Variants in MYLK observed in about 807,000 individuals in gnomAD.
The protein encoded by MYLK is myosin light chain kinase, also known as myosin light chain kinase, smooth muscle.
A neutral mutation model predicts 203.4 loss-of-function variants in MYLK; 106 were observed. The observed-to-expected ratio is 0.52, with a 90% CI of 0.45 to 0.61. MYLK has a LOEUF of 0.61. Ranked by LOEUF, MYLK falls within the 20% of genes least tolerant of loss-of-function variation. MYLK has a pLI of 0.00. For missense variants in MYLK, 2,072 were observed against 2,442.3 expected, an observed-to-expected ratio of 0.85 and a Z score of 3.20; for synonymous variants, 867 against 959.5, an observed-to-expected ratio of 0.90 and a Z score of 1.78.
At chr3:123,849,368 T>A (rs990481369) in intron 2 of MYLK, among the ~76,000 whole-genome samples, 3 of 152,186 alleles carry the variant, frequency 2.0e-5, no homozygotes, top group African/African-American at 4.8e-5. Context: ...AGTTAAGAGA[T>A]CAGTTGTGCT....
chr3:123,802,875 C>G (rs187514129), intron 3 of MYLK, among the ~76,000 whole-genome samples: 1 of 152,310 alleles, frequency 6.6e-6, no homozygotes, highest in African/African-American at 2.4e-5. Context: ...TTAGGTTTCA[C>G]CCCCTCAGGA....
At chr3:123,857,001 T>C (rs921211443) in intron 2 of MYLK, among the ~76,000 whole-genome samples, 4 of 152,060 alleles carry the variant, frequency 2.6e-5, no homozygotes, top group Non-Finnish European at 4.4e-5. Flanking sequence ...TGAACAGACA[T>C]TTCTCAAAAG....
chr3:123,616,222 C>G (rs1275399421), intron 33 of MYLK: 1 of 152,050 alleles, frequency 6.6e-6, no homozygotes. Context: ...CAATATTTGT[C>G]TTAGTCTGAT....
chr3:123,849,738 C>T (rs535202410), intron 2 of MYLK, among the ~76,000 whole-genome samples: 2 of 151,186 alleles, frequency 1.3e-5, no homozygotes, highest in African/African-American at 2.4e-5. Context: ...TTTCTGAGTA[C>T]ATTTATTCAT....
At chr3:123,645,924 G>T (rs868705555) in intron 27 of MYLK, among the ~76,000 whole-genome samples, 20 of 152,224 alleles carry the variant, frequency 1.3e-4, no homozygotes, top group Admixed American at 1.3e-3. Flanking sequence ...CAGATGGATC[G>T]CTTGAGCCCA....
chr3:123,818,282 C>A (rs924021544), intron 3 of MYLK, among the ~76,000 whole-genome samples: 2 of 152,226 alleles, frequency 1.3e-5, no homozygotes, highest in Non-Finnish European at 2.9e-5. Context: ...CTTTATCATT[C>A]TGCAGATTAA....
chr3:123,645,543 G>A (rs1576417446), intron 27 of MYLK, among the ~76,000 whole-genome samples: 1 of 152,158 alleles, frequency 6.6e-6, no homozygotes. Flanking sequence ...AGCATTTCAA[G>A]GATGTTGAAA....
chr3:123,767,812 A>C (rs1342358446), intron 4 of MYLK, among the ~76,000 whole-genome samples: 1 of 152,178 alleles, frequency 6.6e-6, no homozygotes, highest in African/African-American at 2.4e-5. Context: ...GGGTGTCTTC[A>C]GGGGAGTGGG....
intron 4 of MYLK, among the ~76,000 whole-genome samples, chr3:123,782,821 T>A (rs2064353205): frequency 6.6e-6 from 1 of 152,158 alleles, no homozygotes; most frequent in African/African-American, 2.4e-5. Flanking sequence ...AAGTAAACCA[T>A]CACTGAGAAA....
intron 13 of MYLK, among the ~76,000 whole-genome samples, chr3:123,719,316 T>C (rs916066295): frequency 5.9e-5 from 9 of 151,510 alleles, no homozygotes; most frequent in Admixed American, 3.3e-4. Flanking sequence ...GCCAGAGCCC[T>C]TGGAAGCAGG....
intron 4 of MYLK, among the ~76,000 whole-genome samples, chr3:123,771,985 C>T (rs913576273): frequency 1.3e-5 from 2 of 152,032 alleles, no homozygotes; most frequent in African/African-American, 4.8e-5. Flanking sequence ...GTCTACACCT[C>T]TGATATTGGC....
intron 3 of MYLK, among the ~76,000 whole-genome samples, chr3:123,819,408 G>C (rs1433858370): frequency 6.6e-6 from 1 of 152,158 alleles, no homozygotes; most frequent in African/African-American, 2.4e-5. Context: ...CAAAGAACCA[G>C]TACAGGAAAA....
intron 28 of MYLK, 31 bp from the exon 29 acceptor site, chr3:123,638,225 C>T (rs377420468): frequency 1.2e-6 from 2 of 1,613,098 alleles, no homozygotes; most frequent in East Asian, 2.2e-5. Context: ...GATAAATTGC[C>T]AGCACATCAC....
At chr3:123,753,029 C>T (rs903850597) in intron 4 of MYLK, among the ~76,000 whole-genome samples, 26 of 152,178 alleles carry the variant, frequency 1.7e-4, no homozygotes, top group Non-Finnish European at 3.2e-4. Flanking sequence ...ACAGATGCTA[C>T]TGATGCTGCT....
rs146339915 is a variant in MYLK, at chr3:123,739,018, C to G, written c.467G>C (p.Trp156Ser). The G allele has an allele frequency of 2.2e-5, 35 of 1,613,922 alleles. No homozygotes were observed. The highest frequency in any genetic ancestry group is 3.0e-5 in the Non-Finnish European group (35 of 1,179,986). ...AGCAAACTTTGGTGGGCACTCCCCC[C>G]AGATGCTAGGACGGGTCTCCACTGC... ...APAVETRPSI[W>S]GECPPKFATK... Residue 156 changes from tryptophan (W) to serine (S), a missense_variant, in exon 7 of 34, where the codon TGG becomes TCG. By Grantham distance (177) the Trp-to-Ser change is radical. Coordinates refer to ENST00000360304, the MANE Select transcript of MYLK (RefSeq NM_053025.4).
chr3:123,676,446 T>TA (rs1336380756), intron 20 of MYLK, among the ~76,000 whole-genome samples: 1 of 152,010 alleles, frequency 6.6e-6, no homozygotes, highest in African/African-American at 2.4e-5. Context: ...GAGGAATGTT[T>TA]AAAAAAAAGA....
At chr3:123,781,434 T>G (rs1454133528) in intron 4 of MYLK, among the ~76,000 whole-genome samples, 2 of 152,234 alleles carry the variant, frequency 1.3e-5, no homozygotes, top group African/African-American at 2.4e-5. Flanking sequence ...TTAGAGGCAC[T>G]GGCCCTCCAT....
intron 2 of MYLK, among the ~76,000 whole-genome samples, chr3:123,874,382 C>A (rs1283020731): frequency 6.6e-6 from 1 of 152,116 alleles, no homozygotes; most frequent in Non-Finnish European, 1.5e-5. Context: ...AAACACAATT[C>A]AATAAGAGAA....
At chr3:123,676,857 G>A (rs113477886) in intron 20 of MYLK, among the ~76,000 whole-genome samples, 54 of 152,342 alleles carry the variant, frequency 3.5e-4, no homozygotes, top group African/African-American at 8.7e-4. Context: ...ATGGATGTCC[G>A]TTTATATCTC....
Sources: allele counts gnomAD v4.1 joint callset (sites outside exome capture counted in the v4.1 genomes callset), GRCh38; gene constraint gnomAD v4.1.1; transcripts MANE v1.5; gene names NCBI Gene and HGNC (gene_info 2026-07-23, HGNC 2026-07-21).